The following NCKAP5 variants were observed in gnomAD, a reference collection of about 807,000 sequenced individuals.
NCKAP5 encodes NCK associated protein 5.
Under a neutral mutation model 167.0 loss-of-function variants are expected in NCKAP5, and 92 were observed. The observed-to-expected ratio is 0.55, with a 90% confidence interval of 0.47 to 0.66. NCKAP5 has a LOEUF of 0.66. NCKAP5 is among the 30% of genes least tolerant of loss of function. The probability of loss-of-function intolerance (pLI) is 0.00; values close to 1 mark genes in which losing one functional copy is unlikely to be tolerated. For missense variants in NCKAP5, 2,378 were observed against 2,315.0 expected, an observed-to-expected ratio of 1.03 and a Z score of -0.56; for synonymous variants, 891 against 877.4, an observed-to-expected ratio of 1.02 and a Z score of -0.27.
rs113686456 is a variant in NCKAP5, at chr2:132,726,939, C to T, written c.5581-1180G>A. 2.6e-3 allele frequency among the ~76,000 whole-genome samples: 399 copies of T among 152,312 alleles called. 1 individual carries two copies. The highest frequency in any genetic ancestry group is 9.3e-3 in the African/African-American group (385 of 41,576). Reference sequence around the variant, plus strand: ...GTCCAGACCTCCAAAAGGACCCAGTCCAGTCTGGACATGATGAGGTACATC... The same window carrying T: ...GTCCAGACCTCCAAAAGGACCCAGTTCAGTCTGGACATGATGAGGTACATC... On this transcript the variant is annotated intron_variant, in intron 18 of 19. Transcript: ENST00000409261.
the NCKAP5 span, among the ~76,000 whole-genome samples, chr2:133,597,947 C>T: frequency 6.6e-6 from 1 of 152,200 alleles, no homozygotes; most frequent in Admixed American, 6.5e-5. Flanking sequence ...AAGCTCTGGG[C>T]CCAATGGCAT....
chr2:133,017,084 C>T (rs1358151512), intron 6 of NCKAP5, among the ~76,000 whole-genome samples: 1 of 152,120 alleles, frequency 6.6e-6, no homozygotes, highest in Non-Finnish European at 1.5e-5. Context: ...ATGATCATTT[C>T]CTGACAAACA....
intron 5 of NCKAP5, among the ~76,000 whole-genome samples, chr2:133,156,042 C>A (rs76566127): frequency 6.6e-6 from 1 of 152,222 alleles, no homozygotes; most frequent in Non-Finnish European, 1.5e-5. Context: ...AGTTTGACTG[C>A]TACAAAGTCC....
At chr2:133,395,885 A>G (rs1291450966) in intron 3 of NCKAP5, among the ~76,000 whole-genome samples, 1 of 152,076 alleles carries the variant, frequency 6.6e-6, no homozygotes, top group Non-Finnish European at 1.5e-5. Context: ...GCTTCAAGCA[A>G]TTCTCTTGCC....
chr2:133,303,541 T>C (rs1210688204), intron 3 of NCKAP5, among the ~76,000 whole-genome samples: 1 of 152,178 alleles, frequency 6.6e-6, no homozygotes, highest in Non-Finnish European at 1.5e-5. Flanking sequence ...ATGTTTTATA[T>C]AAATATAATA....
chr2:133,329,960 G>A (rs1682719181), intron 3 of NCKAP5, among the ~76,000 whole-genome samples: 1 of 151,830 alleles, frequency 6.6e-6, no homozygotes, highest in South Asian at 2.1e-4. Flanking sequence ...TTTACCGGAG[G>A]GGCCAGCGTC....
At chr2:133,512,256 A>G (rs1400589970) in intron 3 of NCKAP5, among the ~76,000 whole-genome samples, 1 of 152,152 alleles carries the variant, frequency 6.6e-6, no homozygotes, top group East Asian at 1.9e-4. Context: ...TTTTTCTACT[A>G]TTCTTCCTAC....
At chr2:133,384,899 ATGCTGAGACTT>A (rs1467834793) in intron 3 of NCKAP5, among the ~76,000 whole-genome samples, 4 of 152,198 alleles carry the variant, frequency 2.6e-5, no homozygotes, top group African/African-American at 4.8e-5. Context: ...TTGATTTTGT[ATGCTGAGACTT>A]TGCTGAAGTT....
At chr2:132,906,618 C>T (rs1372966441) in intron 8 of NCKAP5, among the ~76,000 whole-genome samples, 1 of 152,148 alleles carries the variant, frequency 6.6e-6, no homozygotes, top group Non-Finnish European at 1.5e-5. Flanking sequence ...CCCAACCTTG[C>T]TTAGTTTGAA....
chr2:133,197,602 T>TAAA (rs897848483), intron 5 of NCKAP5, among the ~76,000 whole-genome samples: 1 of 148,372 alleles, frequency 6.7e-6, no homozygotes, highest in Admixed American at 6.8e-5. Context: ...GATGTTGGTT[T>TAAA]AAAAAAAAAA....
intron 6 of NCKAP5, among the ~76,000 whole-genome samples, chr2:133,009,866 G>A (rs998012540): frequency 3.9e-5 from 6 of 151,948 alleles, no homozygotes; most frequent in African/African-American, 1.2e-4. Flanking sequence ...TCAGGAGTTC[G>A]AGACCATCCT....
chr2:132,838,250 T>C (rs1232770475), intron 11 of NCKAP5, among the ~76,000 whole-genome samples: 2 of 152,186 alleles, frequency 1.3e-5, no homozygotes, highest in African/African-American at 4.8e-5. Flanking sequence ...CTTTGCTATT[T>C]GCTCAATGCC....
intron 11 of NCKAP5, among the ~76,000 whole-genome samples, chr2:132,824,716 T>A (rs947313682): frequency 6.6e-6 from 1 of 152,090 alleles, no homozygotes; most frequent in Non-Finnish European, 1.5e-5. Flanking sequence ...GAATTGTGGA[T>A]GGAATGCTTC....
chr2:132,978,507 T>A (rs892122095), intron 7 of NCKAP5, among the ~76,000 whole-genome samples: 1 of 152,194 alleles, frequency 6.6e-6, no homozygotes, highest in African/African-American at 2.4e-5. Flanking sequence ...GGTTGGATGC[T>A]GGAGGTAATA....
intron 11 of NCKAP5, among the ~76,000 whole-genome samples, chr2:132,853,632 A>G (rs1475067601): frequency 1.3e-5 from 2 of 152,192 alleles, no homozygotes; most frequent in Non-Finnish European, 2.9e-5. Flanking sequence ...AAAATTTAAG[A>G]GGGAGTAGAA....
chr2:133,068,253 T>C (rs2080267000), intron 6 of NCKAP5, among the ~76,000 whole-genome samples: 1 of 152,174 alleles, frequency 6.6e-6, no homozygotes, highest in Non-Finnish European at 1.5e-5. Flanking sequence ...CACTCAGATG[T>C]ACAAGATCCC....
At chr2:132,951,359 T>C (rs1222045118) in intron 8 of NCKAP5, among the ~76,000 whole-genome samples, 2 of 152,212 alleles carry the variant, frequency 1.3e-5, no homozygotes, top group Non-Finnish European at 2.9e-5. Flanking sequence ...AAATTAAAGA[T>C]GTATTTCAGA....
intron 6 of NCKAP5, among the ~76,000 whole-genome samples, chr2:133,025,390 G>A (rs986001351): frequency 2.6e-5 from 4 of 152,208 alleles, no homozygotes; most frequent in African/African-American, 9.7e-5. Context: ...CTTCCAGGAA[G>A]AGAAAACTAC....
chr2:133,344,220 C>G (rs1333332163), intron 3 of NCKAP5, among the ~76,000 whole-genome samples: 2 of 152,002 alleles, frequency 1.3e-5, no homozygotes, highest in African/African-American at 4.8e-5. Context: ...CCAGCCTGAC[C>G]AACATGGTGA....
Sources: gnomAD v4.1 joint callset for allele counts (sites outside exome capture counted in the v4.1 genomes callset) on GRCh38, gnomAD v4.1.1 for gene constraint, MANE v1.5 for transcripts, NCBI Gene and HGNC (gene_info 2026-07-23, HGNC 2026-07-21) for gene names.